Variants in CADPS2 observed in about 807,000 individuals in gnomAD.
CADPS2 encodes calcium-dependent secretion activator 2.
CADPS2 carries 93 observed loss-of-function variants against 172.5 expected under a neutral mutation model. That is an observed-to-expected ratio of 0.54 (90% confidence interval 0.46 to 0.64). CADPS2 has a LOEUF of 0.64. Ranked by LOEUF, CADPS2 falls within the 30% of genes least tolerant of loss-of-function variation. CADPS2 has a pLI of 0.00. For missense variants in CADPS2, 1,420 were observed against 1,565.9 expected (o/e 0.91, Z 1.57); for synonymous variants, 546 against 555.2 (o/e 0.98, Z 0.23).
At chr7:122,825,978 C>A (rs193148464) in intron 1 of CADPS2, among the ~76,000 whole-genome samples, 3 of 152,278 alleles carry the variant, frequency 2.0e-5, no homozygotes, top group African/African-American at 7.2e-5. Flanking sequence ...TAGCAAGCTA[C>A]AACTATGGTG....
chr7:122,681,345 G>T, intron 2 of CADPS2: 2 of 1,425,326 alleles, frequency 1.4e-6, no homozygotes, highest in Non-Finnish European at 2.0e-6. Flanking sequence ...CAATGGTCGT[G>T]CCAAAAAGGG....
chr7:122,685,298 T>C (rs764303205), intron 2 of CADPS2, among the ~76,000 whole-genome samples: 4 of 152,196 alleles, frequency 2.6e-5, no homozygotes, highest in Non-Finnish European at 5.9e-5. Flanking sequence ...ATCTGCAAAG[T>C]TGTTTCCAAG....
At chr7:122,874,980 T>C (rs988694112) in intron 1 of CADPS2, among the ~76,000 whole-genome samples, 1 of 151,962 alleles carries the variant, frequency 6.6e-6, no homozygotes, top group African/African-American at 2.4e-5. Context: ...CAGAAAACAC[T>C]GAACAAAACA....
chr7:122,836,471 T>A (rs951085935), intron 1 of CADPS2, among the ~76,000 whole-genome samples: 2 of 152,166 alleles, frequency 1.3e-5, no homozygotes, highest in East Asian at 1.9e-4. Context: ...TCCAATTAAA[T>A]GACACAGACT....
chr7:122,817,797 C>T (rs373042621), intron 1 of CADPS2, among the ~76,000 whole-genome samples: 95 of 151,976 alleles, frequency 6.3e-4, no homozygotes, highest in African/African-American at 1.9e-3. Flanking sequence ...CGTATCTCTG[C>T]GCCCCAATCC....
chr7:122,710,378 G>C (rs944570245), intron 2 of CADPS2, among the ~76,000 whole-genome samples: 1 of 152,100 alleles, frequency 6.6e-6, no homozygotes, highest in African/African-American at 2.4e-5. Context: ...CACACTAGCA[G>C]AAACAGTGAA....
intron 1 of CADPS2, among the ~76,000 whole-genome samples, chr7:122,884,200 T>C (rs944675346): frequency 6.6e-6 from 1 of 152,208 alleles, no homozygotes; most frequent in Non-Finnish European, 1.5e-5. Context: ...AAATGCAATA[T>C]GAATGGTAAA....
chr7:122,759,146 T>C (rs576329237), intron 1 of CADPS2, among the ~76,000 whole-genome samples: 3 of 152,242 alleles, frequency 2.0e-5, no homozygotes, highest in Admixed American at 6.5e-5. Flanking sequence ...TCACAGTCCA[T>C]AGTTTTAGCA....
chr7:122,608,237 G>C (rs776140341), intron 6 of CADPS2, among the ~76,000 whole-genome samples: 20 of 150,882 alleles, frequency 1.3e-4, no homozygotes, highest in African/African-American at 4.9e-4. Flanking sequence ...AGAAGGCACA[G>C]TTTTTGATAG....
intron 1 of CADPS2, among the ~76,000 whole-genome samples, chr7:122,786,712 A>G (rs1330716730): frequency 6.6e-6 from 1 of 152,188 alleles, no homozygotes; most frequent in Non-Finnish European, 1.5e-5. Context: ...CCTCTCCATT[A>G]TATGAGAATT....
chr7:122,883,753 T>TA (rs1311769239), intron 1 of CADPS2, among the ~76,000 whole-genome samples: 1 of 152,216 alleles, frequency 6.6e-6, no homozygotes, highest in African/African-American at 2.4e-5. Context: ...TCCATCTTAA[T>TA]AAAAAATAAA....
chr7:122,573,899 T>C (rs1263646719), intron 7 of CADPS2, among the ~76,000 whole-genome samples: 2 of 152,086 alleles, frequency 1.3e-5, no homozygotes, highest in Non-Finnish European at 2.9e-5. Context: ...CTTCAAATGG[T>C]TTTCACTGTA....
chr7:122,616,471 G>A (rs2074937106), intron 5 of CADPS2, among the ~76,000 whole-genome samples: 1 of 152,070 alleles, frequency 6.6e-6, no homozygotes, highest in African/African-American at 2.4e-5. Flanking sequence ...AAATATGAAT[G>A]TGTATTTGTT....
chr7:122,858,323 A>T (rs898673153), intron 1 of CADPS2, among the ~76,000 whole-genome samples: 1 of 152,206 alleles, frequency 6.6e-6, no homozygotes, highest in African/African-American at 2.4e-5. Flanking sequence ...CAAACTCTCG[A>T]ATTCAGTGTA....
intron 28 of CADPS2, among the ~76,000 whole-genome samples, chr7:122,334,191 T>C (rs539419610): frequency 2.0e-5 from 3 of 152,162 alleles, no homozygotes; most frequent in Admixed American, 6.5e-5. Flanking sequence ...TCTATGTACA[T>C]ATATGAGAAT....
At chr7:122,673,635 G>A (rs2082092723) in intron 2 of CADPS2, among the ~76,000 whole-genome samples, 2 of 151,970 alleles carry the variant, frequency 1.3e-5, no homozygotes, top group South Asian at 2.1e-4. Flanking sequence ...GTGCTGATTG[G>A]TGCAGCCATG....
At chr7:122,653,981 G>A (rs948143431) in intron 3 of CADPS2, among the ~76,000 whole-genome samples, 2 of 152,166 alleles carry the variant, frequency 1.3e-5, no homozygotes, top group African/African-American at 2.4e-5. Flanking sequence ...GTGTTCAAGT[G>A]AAATGAAGAG....
chr7:122,554,341 T>C (rs1156347999), intron 8 of CADPS2, among the ~76,000 whole-genome samples: 1 of 152,116 alleles, frequency 6.6e-6, no homozygotes, highest in Non-Finnish European at 1.5e-5. Context: ...GTAGCTCGCA[T>C]ACAGTTATCT....
chr7:122,746,029 C>A (rs1006731093), intron 1 of CADPS2, among the ~76,000 whole-genome samples: 3 of 152,082 alleles, frequency 2.0e-5, no homozygotes, highest in African/African-American at 7.2e-5. Context: ...GCCTCAAGTT[C>A]TTCATCTATA....
Sources: allele counts gnomAD v4.1 joint callset (sites outside exome capture counted in the v4.1 genomes callset), GRCh38; gene constraint gnomAD v4.1.1; transcripts MANE v1.5; gene names NCBI Gene and HGNC (gene_info 2026-07-23, HGNC 2026-07-21).